SHROOM3: variants seen among roughly 807,000 people sequenced by gnomAD.
The protein encoded by SHROOM3 is shroom family member 3.
In SHROOM3, 47 loss-of-function variants were observed where a neutral mutation model predicts 138.6. The ratio of observed to expected loss-of-function variants is 0.34; its 90% CI spans 0.27 to 0.43. The LOEUF (loss-of-function observed/expected upper bound fraction) is 0.43. Ranked by LOEUF, SHROOM3 falls within the 20% of genes least tolerant of loss-of-function variation. The pLI, the probability that SHROOM3 is intolerant of heterozygous loss-of-function variation, is 1.00. For synonymous variants in SHROOM3, 1,062 were observed against 1,063.3 expected (o/e 1.00, Z 0.02); for missense variants, 2,491 against 2,596.5 (o/e 0.96, Z 0.88).
At chr4:76,537,954 C>A (rs1029601709) in intron 1 of SHROOM3, among the ~76,000 whole-genome samples, 12 of 152,206 alleles carry the variant, frequency 7.9e-5, no homozygotes, top group African/African-American at 2.9e-4. Flanking sequence ...GTTGCCCAGG[C>A]TGGAGTGCAG....
intron 1 of SHROOM3, among the ~76,000 whole-genome samples, chr4:76,482,740 C>T (rs1448153172): frequency 2.0e-5 from 3 of 152,192 alleles, no homozygotes; most frequent in African/African-American, 7.2e-5. Context: ...CGCTACCTAA[C>T]TTCAAACTAT....
intron 2 of SHROOM3, among the ~76,000 whole-genome samples, chr4:76,579,157 C>T (rs1577897696): frequency 6.6e-6 from 1 of 151,980 alleles, no homozygotes; most frequent in African/African-American, 2.4e-5. Context: ...CCAGCCTGGG[C>T]GACAGAGTGT....
At chr4:76,656,693 T>C (rs1375538388) in intron 2 of SHROOM3, among the ~76,000 whole-genome samples, 1 of 152,218 alleles carries the variant, frequency 6.6e-6, no homozygotes, top group African/African-American at 2.4e-5. Context: ...TTGAACTGAA[T>C]AGGAGCACAT....
chr4:76,497,567 A>G (rs1369504542), intron 1 of SHROOM3, among the ~76,000 whole-genome samples: 1 of 152,198 alleles, frequency 6.6e-6, no homozygotes, highest in Non-Finnish European at 1.5e-5. Flanking sequence ...TTTTAAAATC[A>G]GAAAAGAGGG....
chr4:76,611,790 G>A (rs946231437), intron 2 of SHROOM3, among the ~76,000 whole-genome samples: 2 of 152,170 alleles, frequency 1.3e-5, no homozygotes, highest in Admixed American at 6.6e-5. Context: ...GACTTGGGGA[G>A]ACTGCCCGTC....
At chr4:76,493,084 G>A (rs1023484130) in intron 1 of SHROOM3, among the ~76,000 whole-genome samples, 42 of 152,180 alleles carry the variant, frequency 2.8e-4, no homozygotes, top group African/African-American at 9.6e-4. Flanking sequence ...AGCTGGCCAT[G>A]GTGGTGGGTG....
At chr4:76,625,660 G>A (rs895252982) in intron 2 of SHROOM3, among the ~76,000 whole-genome samples, 1 of 152,006 alleles carries the variant, frequency 6.6e-6, no homozygotes, top group Admixed American at 6.6e-5. Context: ...TCCAATCGCC[G>A]AGAACCATGT....
At chr4:76,540,801 GA>G (rs1485641543) in intron 1 of SHROOM3, among the ~76,000 whole-genome samples, 1 of 152,126 alleles carries the variant, frequency 6.6e-6, no homozygotes, top group Non-Finnish European at 1.5e-5. Context: ...GAAAAAAAGA[GA>G]AGAGAAAACT....
intron 2 of SHROOM3, among the ~76,000 whole-genome samples, chr4:76,703,319 G>GA (rs978681943): frequency 2.5e-4 from 38 of 152,054 alleles, no homozygotes; most frequent in African/African-American, 8.9e-4. Context: ...ACTTAAAAAG[G>GA]AAAAAAGATG....
chr4:76,716,322 C>T (rs1720371942), intron 3 of SHROOM3: 1 of 518,860 alleles, frequency 1.9e-6, no homozygotes, highest in Non-Finnish European at 3.8e-6. Flanking sequence ...AGAGCAGTAG[C>T]AGGGCAGAAT....
intron 1 of SHROOM3, among the ~76,000 whole-genome samples, chr4:76,450,568 C>T (rs1291403169): frequency 6.6e-6 from 1 of 152,130 alleles, no homozygotes; most frequent in South Asian, 2.1e-4. Flanking sequence ...AACTGAGTTA[C>T]AACATGTATG....
At chr4:76,651,331 A>G (rs900550694) in intron 2 of SHROOM3, among the ~76,000 whole-genome samples, 1 of 148,924 alleles carries the variant, frequency 6.7e-6, no homozygotes, top group Non-Finnish European at 1.5e-5. Context: ...AGGGGGATGG[A>G]TACCCCATTC....
chr4:76,582,710 C>T (rs1001783519), intron 2 of SHROOM3, among the ~76,000 whole-genome samples: 2 of 152,182 alleles, frequency 1.3e-5, no homozygotes, highest in African/African-American at 4.8e-5. Context: ...CCTTTTTATC[C>T]TCTCTTCACC....
At chr4:76,474,023 A>G (rs890531216) in intron 1 of SHROOM3, among the ~76,000 whole-genome samples, 1 of 152,224 alleles carries the variant, frequency 6.6e-6, no homozygotes, top group Non-Finnish European at 1.5e-5. Context: ...GTTTATAGCA[A>G]TAACAAAAAA....
At chr4:76,748,810 T>A (rs920314687) in intron 5 of SHROOM3, among the ~76,000 whole-genome samples, 4 of 147,592 alleles carry the variant, frequency 2.7e-5, no homozygotes, top group Admixed American at 6.7e-5. Flanking sequence ...AAATTCTGAC[T>A]CTGCTTTTTT....
rs1732842181 is a variant in SHROOM3, at chr4:76,532,120, A to G, written c.169-23489A>G. On this transcript the variant is annotated intron_variant, in intron 1 of 10. Transcript: ENST00000296043. ...CCCCTTCCTGTGACCAAGTGTTCTC[A>G]TTGTTCAATTCCCACCTATGAGTGA... 5.3e-5 allele frequency: 7 copies of G among 132,374 alleles called. No individual in the cohort carries two copies. The Admixed American group carries it at 6.8e-4, about 13-fold the overall frequency. The allele number at this position is 132,374 out of a possible 1,614,324, so 8.2% of individuals were successfully genotyped here. A position where few individuals can be genotyped will look rare whatever the true frequency, so the allele number is the denominator to read the frequency against.
intron 2 of SHROOM3, among the ~76,000 whole-genome samples, chr4:76,577,961 G>T (rs932377009): frequency 1.3e-5 from 2 of 151,880 alleles, no homozygotes; most frequent in African/African-American, 4.8e-5. Context: ...TTCTTACTGT[G>T]TTCATTGTTT....
intron 1 of SHROOM3, among the ~76,000 whole-genome samples, chr4:76,443,915 T>C (rs533691253): frequency 1.3e-5 from 2 of 152,296 alleles, no homozygotes; most frequent in South Asian, 4.1e-4. Flanking sequence ...TATTTTTTTC[T>C]TGGAGATTTA....
chr4:76,518,593 G>A (rs1360959262), intron 1 of SHROOM3, among the ~76,000 whole-genome samples: 1 of 151,092 alleles, frequency 6.6e-6, no homozygotes, highest in South Asian at 2.1e-4. Flanking sequence ...CTGCCTGCCT[G>A]CCTGTGTTAA....
Sources: gnomAD v4.1 joint callset for allele counts (sites outside exome capture counted in the v4.1 genomes callset) on GRCh38, gnomAD v4.1.1 for gene constraint, MANE v1.5 for transcripts, NCBI Gene and HGNC (gene_info 2026-07-23, HGNC 2026-07-21) for gene names.